The following PAPPA2 variants were observed in gnomAD, a reference collection of about 807,000 sequenced individuals.
PAPPA2 encodes pappalysin 2.
In PAPPA2, 86 loss-of-function variants were observed where a neutral mutation model predicts 176.4. The ratio of observed to expected loss-of-function variants is 0.49; its 90% CI spans 0.41 to 0.58. The LOEUF (loss-of-function observed/expected upper bound fraction) is 0.58. Among genes scored for constraint, PAPPA2 ranks in the 20% least tolerant of loss-of-function variants. PAPPA2 has a pLI of 0.00. For synonymous variants in PAPPA2, 809 were observed against 852.2 expected, an observed-to-expected ratio of 0.95 and a Z score of 0.88; for missense variants, 2,073 against 2,256.9, an observed-to-expected ratio of 0.92 and a Z score of 1.65.
intron 1 of PAPPA2, among the ~76,000 whole-genome samples, chr1:176,466,975 A>G (rs1651654464): frequency 6.6e-6 from 1 of 152,202 alleles, no homozygotes; most frequent in South Asian, 2.1e-4. Flanking sequence ...CCCTTCTGCG[A>G]AACAGTCATG....
In PAPPA2 at chr1:176,556,574, G is replaced by T. The variant is rs777937468; in HGVS notation, c.252G>T (p.Val84=). Residue 84 remains valine, a synonymous_variant, in exon 2 of 23, where the codon GTG becomes GTT. Coordinates refer to ENST00000367662, the MANE Select transcript of PAPPA2 (RefSeq NM_020318.3). ...GGAACTACCTAAGGCCCTACCCCGTGGGGGAGCAAGAAATCCATCATACAG... is the reference window on the plus strand; with the variant it reads ...GGAACTACCTAAGGCCCTACCCCGTTGGGGAGCAAGAAATCCATCATACAG... ...RAGNYLRPYP[V]GEQEIHHTGR... is the part of the protein sequence containing the mutation. 3 of 1,614,142 alleles carry T rather than the reference G, an allele frequency of 1.9e-6. No homozygotes were observed. The highest frequency in any genetic ancestry group is 1.7e-5 in the Admixed American group (1 of 60,018).
chr1:176,696,149 G>A (rs965709675), intron 7 of PAPPA2, among the ~76,000 whole-genome samples: 1 of 152,046 alleles, frequency 6.6e-6, no homozygotes, highest in African/African-American at 2.4e-5. Context: ...TGAACTCAGG[G>A]TGTGACTTCA....
intron 21 of PAPPA2, among the ~76,000 whole-genome samples, chr1:176,820,965 A>G (rs1438934627): frequency 6.6e-6 from 1 of 152,180 alleles, no homozygotes; most frequent in Non-Finnish European, 1.5e-5. Flanking sequence ...CAACACATGA[A>G]AAAAGAATTA....
intron 1 of PAPPA2, among the ~76,000 whole-genome samples, chr1:176,546,724 A>T (rs1156375812): frequency 6.6e-6 from 1 of 152,222 alleles, no homozygotes; most frequent in Non-Finnish European, 1.5e-5. Context: ...TAGTGAAATA[A>T]ACATACAAAT....
chr1:176,614,076 T>G (rs1246852724), intron 3 of PAPPA2, among the ~76,000 whole-genome samples: 2 of 152,186 alleles, frequency 1.3e-5, no homozygotes, highest in Non-Finnish European at 2.9e-5. Flanking sequence ...GCCATATCCT[T>G]TTTCTAGAGC....
chr1:176,702,693 A>G lies in PAPPA2; in HGVS notation c.3323A>G (p.His1108Arg). 6.2e-7 allele frequency: 1 copy of G among 1,612,850 alleles called. No individual in the cohort carries two copies. The highest frequency in any genetic ancestry group is 2.2e-5 in the East Asian group (1 of 44,816). ...ELGEASPPLN[H>R]IHGAPYCGDG... ...GGAGAAGCTTCGCCTCCTCTGAACC[A>G]CATTCATGGAGCTCCTTATTGTGGA... Residue 1108 changes from histidine to arginine, a missense_variant, in exon 9 of 23, where the codon CAC (histidine) becomes CGC (arginine). Around this residue, in one of 4 missense-constraint regions of PAPPA2, gnomAD observed 846 missense variants for 857.9 expected, o/e 0.99. Coordinates refer to ENST00000367662, the MANE Select transcript of PAPPA2 (RefSeq NM_020318.3).
rs146675680 is a variant in PAPPA2 at position 176,513,667 on chromosome 1, T to C, written c.-916-41740T>C. 4.2e-3 allele frequency among the ~76,000 whole-genome samples: 640 copies of C among 152,308 alleles called. 6 individuals carry two copies. The highest frequency in any genetic ancestry group is 0.014 in the African/African-American group (583 of 41,576). On this transcript the variant is annotated intron_variant, in intron 1 of 22. Coordinates refer to ENST00000367662, the MANE Select transcript of PAPPA2 (RefSeq NM_020318.3). ...TTTTCTGATTCTGGTCTCAATTTCCTTATTTGTAAAATGAGAGAGTTGAAT... is the reference window on the plus strand; with the variant it reads ...TTTTCTGATTCTGGTCTCAATTTCCCTATTTGTAAAATGAGAGAGTTGAAT...
At chr1:176,740,232 C>T in intron 14 of PAPPA2, 36 bp downstream of exon 14, 2 of 1,574,318 alleles carry the variant, frequency 1.3e-6, no homozygotes, top group Non-Finnish European at 1.7e-6. Flanking sequence ...GTTTCCTTTT[C>T]TTGTGGCTCT....
chr1:176,711,793 C>T, intron 11 of PAPPA2, 42 bp from the exon 12 acceptor site: 1 of 1,569,962 alleles, frequency 6.4e-7, no homozygotes, highest in African/African-American at 1.3e-5. Flanking sequence ...CTTATATCTT[C>T]ACACTCCACA....
intron 2 of PAPPA2, among the ~76,000 whole-genome samples, chr1:176,566,323 A>G (rs1651976418): frequency 6.6e-6 from 1 of 152,136 alleles, no homozygotes; most frequent in Admixed American, 6.5e-5. Context: ...GGTTTTCTGT[A>G]AGAATGGCCT....
chr1:176,636,990 G>A (rs61821156), intron 3 of PAPPA2, among the ~76,000 whole-genome samples: 9,929 of 152,140 alleles, frequency 0.065, 351 homozygotes, highest in South Asian at 0.14. Flanking sequence ...ATTCCATACA[G>A]CCAGAGTGAA....
intron 11 of PAPPA2, among the ~76,000 whole-genome samples, chr1:176,710,714 A>G (rs1022748520): frequency 3.3e-5 from 5 of 152,182 alleles, no homozygotes; most frequent in African/African-American, 1.2e-4. Context: ...AAACTCTTCC[A>G]TTTATTAGAA....
chr1:176,493,552 A>G (rs1218283927), intron 1 of PAPPA2, among the ~76,000 whole-genome samples: 2 of 152,204 alleles, frequency 1.3e-5, no homozygotes, highest in African/African-American at 4.8e-5. Flanking sequence ...CCTTCTCAGG[A>G]GCAAAACCAA....
intron 3 of PAPPA2, among the ~76,000 whole-genome samples, chr1:176,612,580 G>C (rs539681445): frequency 2.6e-5 from 4 of 152,068 alleles, no homozygotes; most frequent in African/African-American, 9.7e-5. Context: ...TTGTTTACTC[G>C]ATTTACAAGA....
chr1:176,606,282 C>G (rs1654605950), intron 3 of PAPPA2, among the ~76,000 whole-genome samples: 1 of 152,096 alleles, frequency 6.6e-6, no homozygotes, highest in African/African-American at 2.4e-5. Context: ...AACTGCGATT[C>G]TATATTGTGT....
At chr1:176,791,898 A>G (rs1665193740) in intron 19 of PAPPA2, among the ~76,000 whole-genome samples, 1 of 152,198 alleles carries the variant, frequency 6.6e-6, no homozygotes, top group South Asian at 2.1e-4. Context: ...ATTGAAATGC[A>G]AGTTGACTCT....
At chr1:176,499,265 C>A (rs1250110129) in intron 1 of PAPPA2, among the ~76,000 whole-genome samples, 1 of 152,098 alleles carries the variant, frequency 6.6e-6, no homozygotes, top group Non-Finnish European at 1.5e-5. Flanking sequence ...ATTCTTGTAT[C>A]CAAAGACTAG....
chr1:176,640,479 GAT>G (rs1657010044), intron 3 of PAPPA2, among the ~76,000 whole-genome samples: 1 of 151,550 alleles, frequency 6.6e-6, no homozygotes, highest in Admixed American at 6.6e-5. Context: ...TACTGAGAAT[GAT>G]GATTTCCAAT....
intron 12 of PAPPA2, among the ~76,000 whole-genome samples, chr1:176,719,810 C>T (rs1184860359): frequency 6.6e-6 from 1 of 152,156 alleles, no homozygotes; most frequent in Non-Finnish European, 1.5e-5. Context: ...AGCCAATTCC[C>T]TCTTTTGATT....
Sources: allele counts gnomAD v4.1 joint callset (sites outside exome capture counted in the v4.1 genomes callset), GRCh38; gene constraint gnomAD v4.1.1; regional missense constraint gnomAD v4.1.1; transcripts MANE v1.5; gene names NCBI Gene and HGNC (gene_info 2026-07-23, HGNC 2026-07-21).